Variants in EIF3H observed in about 807,000 individuals in gnomAD.
EIF3H encodes eukaryotic translation initiation factor 3 subunit H, also known as eIF-3-gamma.
A neutral mutation model predicts 44.2 loss-of-function variants in EIF3H; 26 were observed. That is an observed-to-expected ratio of 0.59 (90% confidence interval 0.43 to 0.82). The LOEUF (loss-of-function observed/expected upper bound fraction) is 0.82, where lower values mean the gene tolerates loss of function less well. Among genes scored for constraint, EIF3H ranks in the 40% least tolerant of loss-of-function variants. EIF3H has a pLI of 0.00. For missense variants in EIF3H, 359 were observed against 432.8 expected (o/e 0.83, Z 1.51); for synonymous variants, 166 against 151.9 (o/e 1.09, Z -0.68).
At chr8:116,734,113 A>G (rs1295476193) in intron 1 of EIF3H, among the ~76,000 whole-genome samples, 1 of 152,240 alleles carries the variant, frequency 6.6e-6, no homozygotes. Flanking sequence ...TATTATGAAA[A>G]TAAGTTTTGA....
chr8:116,671,850 C>T (rs1813762308), intron 2 of EIF3H, among the ~76,000 whole-genome samples: 1 of 152,244 alleles, frequency 6.6e-6, no homozygotes, highest in Non-Finnish European at 1.5e-5. Context: ...GGCCCAGCTT[C>T]ATACCTTGTA....
At chr8:116,737,249 T>A (rs1199012985) in intron 1 of EIF3H, 1 of 448,112 alleles carries the variant, frequency 2.2e-6, no homozygotes, top group South Asian at 1.6e-5. Flanking sequence ...CTTAAAATCA[T>A]CAGCAATATT....
chr8:116,704,955 G>C (rs1814441606), intron 2 of EIF3H, among the ~76,000 whole-genome samples: 1 of 152,158 alleles, frequency 6.6e-6, no homozygotes. Context: ...AAGGTCTAGA[G>C]AGTTCCTCTG....
chr8:116,712,211 C>T (rs1459203513), intron 2 of EIF3H, among the ~76,000 whole-genome samples: 2 of 152,206 alleles, frequency 1.3e-5, no homozygotes, highest in Non-Finnish European at 2.9e-5. Context: ...CCTTCTACCA[C>T]AGATGCTGGT....
intron 1 of EIF3H, among the ~76,000 whole-genome samples, chr8:116,745,044 T>C (rs998596114): frequency 6.6e-6 from 1 of 152,180 alleles, no homozygotes; most frequent in East Asian, 1.9e-4. Flanking sequence ...GATCCAAATT[T>C]ATCATATACA....
At chr8:116,676,783 G>C (rs773345990) in intron 2 of EIF3H, among the ~76,000 whole-genome samples, 8 of 152,100 alleles carry the variant, frequency 5.3e-5, no homozygotes, top group Non-Finnish European at 1.0e-4. Flanking sequence ...CCAAAATTCA[G>C]GTTCAGTTTC....
At chr8:116,736,584 C>T (rs904533236) in intron 1 of EIF3H, among the ~76,000 whole-genome samples, 2 of 152,102 alleles carry the variant, frequency 1.3e-5, no homozygotes, top group Non-Finnish European at 2.9e-5. Flanking sequence ...ACCGTTTCAA[C>T]CGGGGAGGCA....
intron 1 of EIF3H, among the ~76,000 whole-genome samples, chr8:116,730,817 TATC>T (rs1391272047): frequency 5.3e-5 from 8 of 152,214 alleles, no homozygotes; most frequent in African/African-American, 1.9e-4. Flanking sequence ...GGCAAACACT[TATC>T]ACTTATGATA....
intron 2 of EIF3H, among the ~76,000 whole-genome samples, chr8:116,719,801 T>C (rs1206540333): frequency 1.3e-5 from 2 of 152,186 alleles, no homozygotes; most frequent in African/African-American, 4.8e-5. Flanking sequence ...AAATGACAAT[T>C]CCGATTAATT....
At chr8:116,693,606 T>C (rs1814216785) in intron 2 of EIF3H, among the ~76,000 whole-genome samples, 1 of 152,192 alleles carries the variant, frequency 6.6e-6, no homozygotes, top group Non-Finnish European at 1.5e-5. Flanking sequence ...CAAAATTCAG[T>C]ACAGACTGAA....
At chr8:116,744,227 A>AAC in intron 1 of EIF3H, among the ~76,000 whole-genome samples, 1 of 151,208 alleles carries the variant, frequency 6.6e-6, no homozygotes, top group African/African-American at 2.4e-5. Context: ...AAAAAAAAAA[A>AAC]ACAAACAGTA....
At chr8:116,755,956 T>G, upstream of EIF3H, 1 of 1,536,550 alleles carries the variant, frequency 6.5e-7, no homozygotes, top group East Asian at 2.4e-5. Flanking sequence ...TTTTACCTTC[T>G]TTCCAGGCGG....
chr8:116,670,298 G>A (rs1813731428), intron 2 of EIF3H, among the ~76,000 whole-genome samples: 1 of 152,196 alleles, frequency 6.6e-6, no homozygotes, highest in South Asian at 2.1e-4. Flanking sequence ...AGAATGCGGA[G>A]GTGAGGCTAG....
chr8:116,737,507 T>C (rs1220197468), intron 1 of EIF3H, among the ~76,000 whole-genome samples: 1 of 151,448 alleles, frequency 6.6e-6, no homozygotes, highest in African/African-American at 2.4e-5. Flanking sequence ...ACACAAAATA[T>C]TGGCCAGATA....
chr8:116,701,862 A>G (rs76502248), intron 2 of EIF3H, among the ~76,000 whole-genome samples: 4,174 of 152,320 alleles, frequency 0.027, 214 homozygotes, highest in African/African-American at 0.094. Flanking sequence ...GAAAAAGAAC[A>G]TGAGTAAGAA....
At chr8:116,682,553 C>T (rs374435664) in intron 2 of EIF3H, among the ~76,000 whole-genome samples, 1 of 152,154 alleles carries the variant, frequency 6.6e-6, no homozygotes, top group East Asian at 1.9e-4. Flanking sequence ...CAAAACACTT[C>T]CTAGGTCTAT....
chr8:116,755,889 G>T, upstream of EIF3H: 1 of 1,572,260 alleles, frequency 6.4e-7, no homozygotes, highest in Non-Finnish European at 8.6e-7. Context: ...CGGCGTTCGA[G>T]GGGCGGAGAC....
intron 2 of EIF3H, among the ~76,000 whole-genome samples, chr8:116,699,212 T>C (rs1354451747): frequency 6.6e-6 from 1 of 152,104 alleles, no homozygotes; most frequent in Non-Finnish European, 1.5e-5. Context: ...CTGAGTTATA[T>C]ATAGGTCCAC....
chr8:116,704,054 A>G (rs907415804), intron 2 of EIF3H, among the ~76,000 whole-genome samples: 2 of 152,326 alleles, frequency 1.3e-5, no homozygotes, highest in African/African-American at 4.8e-5. Context: ...AAGACTAAGA[A>G]GATAAAAACC....
Sources: gnomAD v4.1 joint callset for allele counts (sites outside exome capture counted in the v4.1 genomes callset) on GRCh38, gnomAD v4.1.1 for gene constraint, MANE v1.5 for transcripts, NCBI Gene and HGNC (gene_info 2026-07-23, HGNC 2026-07-21) for gene names.